Variants in MGST2 observed in about 807,000 individuals in gnomAD.
MGST2 encodes the protein microsomal glutathione S-transferase 2, also known as glutathione peroxidase MGST2.
A neutral mutation model predicts 16.6 loss-of-function variants in MGST2; 9 were observed. That is an observed-to-expected ratio of 0.54 (90% CI 0.33 to 0.95). MGST2 has a LOEUF of 0.95. Among genes scored for constraint, MGST2 ranks in the 40% least tolerant of loss-of-function variants. The probability of loss-of-function intolerance (pLI) is 0.03; values close to 1 mark genes in which losing one functional copy is unlikely to be tolerated. For missense variants in MGST2, 159 were observed against 175.1 expected (o/e 0.91, Z 0.52); for synonymous variants, 79 against 68.0 (o/e 1.16, Z -0.79).
intron 2 of MGST2, among the ~76,000 whole-genome samples, chr4:139,682,520 G>A (rs1731305085): frequency 6.6e-6 from 1 of 152,160 alleles, no homozygotes; most frequent in Admixed American, 6.5e-5. Context: ...ACTCAGAGAG[G>A]TCATAGACGG....
the MGST2 span, among the ~76,000 whole-genome samples, chr4:139,745,859 C>A: frequency 6.6e-6 from 1 of 152,190 alleles, no homozygotes; most frequent in African/African-American, 2.4e-5. Context: ...AACAATACAT[C>A]CTGGGGATGG....
chr4:139,751,685 G>T, the MGST2 span, among the ~76,000 whole-genome samples: 1 of 152,178 alleles, frequency 6.6e-6, no homozygotes, highest in African/African-American at 2.4e-5. Flanking sequence ...GTACACAGAT[G>T]GGTGGGTTTG....
At chr4:139,744,239 A>G (rs1729254446), downstream of MGST2, among the ~76,000 whole-genome samples, 1 of 152,240 alleles carries the variant, frequency 6.6e-6, no homozygotes, top group African/African-American at 2.4e-5. Flanking sequence ...GTTTGAGAAC[A>G]TGGAGCCTCA....
intron 2 of MGST2, among the ~76,000 whole-genome samples, chr4:139,690,905 C>T (rs2602243): frequency 0.31 from 47,720 of 152,022 alleles, 9,267 homozygotes; most frequent in African/African-American, 0.55. Context: ...CTCCATGGTA[C>T]TGGGATGAAC....
intron 3 of MGST2, among the ~76,000 whole-genome samples, chr4:139,702,165 A>G (rs1727285884): frequency 6.6e-6 from 1 of 152,236 alleles, no homozygotes; most frequent in South Asian, 2.1e-4. Context: ...ATGCGATGAT[A>G]GAACATCATC....
intron 5 of MGST2, chr4:139,717,374 T>C (rs1475611360): frequency 2.6e-5 from 4 of 152,594 alleles, no homozygotes; most frequent in African/African-American, 7.2e-5. Flanking sequence ...CTCATTTGTT[T>C]GTTTGCTTTT....
chr4:139,669,278 A>C (rs1157668316), intron 1 of MGST2, among the ~76,000 whole-genome samples: 1 of 152,098 alleles, frequency 6.6e-6, no homozygotes, highest in Non-Finnish European at 1.5e-5. Flanking sequence ...AGGGAGACAG[A>C]GAGAGGAAGA....
chr4:139,705,016 C>T (rs1727465234), downstream of MGST2, among the ~76,000 whole-genome samples: 2 of 152,140 alleles, frequency 1.3e-5, 1 homozygote, highest in South Asian at 4.2e-4. Flanking sequence ...TGCCTGATGC[C>T]CATACTGTAA....
At chr4:139,684,733 T>G (rs1287702675) in intron 2 of MGST2, among the ~76,000 whole-genome samples, 2 of 152,196 alleles carry the variant, frequency 1.3e-5, no homozygotes, top group African/African-American at 4.8e-5. Context: ...GCCTGACTTT[T>G]GAGAGTGCAG....
At chr4:139,714,423 C>T (rs566320812) in intron 5 of MGST2, among the ~76,000 whole-genome samples, 4 of 152,312 alleles carry the variant, frequency 2.6e-5, no homozygotes, top group African/African-American at 4.8e-5. Flanking sequence ...GCATGCTAAG[C>T]TTCTGGGTTC....
At chr4:139,666,102 G>C in intron 1 of MGST2, 25 bp downstream of exon 1, 3 of 1,532,638 alleles carry the variant, frequency 2.0e-6, no homozygotes, top group Non-Finnish European at 2.6e-6. Context: ...AAGTTCGTGT[G>C]TGTGCGCGTG....
At chr4:139,696,518 C>G (rs151282573) in intron 3 of MGST2, among the ~76,000 whole-genome samples, 1 of 152,306 alleles carries the variant, frequency 6.6e-6, no homozygotes, top group South Asian at 2.1e-4. Context: ...TCAGAGCACT[C>G]GTCTCTACCA....
chr4:139,670,071 T>C (rs1258240623), intron 1 of MGST2, among the ~76,000 whole-genome samples: 2 of 151,968 alleles, frequency 1.3e-5, no homozygotes, highest in Admixed American at 6.6e-5. Context: ...CAATTGTGTT[T>C]GTCTTAGGGG....
Position 139,666,117 on chromosome 4 carries a change from CGTGTGTGTGT to C in MGST2, c.58+48_58+57del. 17 of 1,025,420 alleles carry C rather than the reference CGTGTGTGTGT, an allele frequency of 1.7e-5. No individual in the cohort carries two copies. The South Asian group carries it at 3.4e-4, about 20-fold the overall frequency. The allele number at this position is 1,025,420 out of a possible 1,614,324, so 63.5% of individuals were successfully genotyped here. On this transcript the variant is annotated intron_variant, in intron 1 of 4. Coordinates refer to ENST00000265498, the MANE Select transcript of MGST2 (RefSeq NM_002413.5). ...AAGTTCGTGTGTGTGCGCGTGTGTG[CGTGTGTGTGT>C]GTGTGTGACAAGGCTTGCGGGAGAG... is the stretch of plus-strand genomic sequence containing the variant.
At chr4:139,729,309 G>A (rs2110984159) in intron 5 of MGST2, among the ~76,000 whole-genome samples, 2 of 152,224 alleles carry the variant, frequency 1.3e-5, no homozygotes, top group South Asian at 4.1e-4. Context: ...ATACACGGTG[G>A]TGGATGCTTA....
At chr4:139,708,933 A>C (rs1226342614), downstream of MGST2, among the ~76,000 whole-genome samples, 1 of 139,656 alleles carries the variant, frequency 7.2e-6, no homozygotes. Context: ...ACCCAGGAGG[A>C]GGTTGTGGTG....
At chr4:139,668,999 G>C (rs1730521156) in intron 1 of MGST2, among the ~76,000 whole-genome samples, 1 of 152,122 alleles carries the variant, frequency 6.6e-6, no homozygotes, top group South Asian at 2.1e-4. Flanking sequence ...CTTTGACAAA[G>C]GCCTGTGAAA....
At chr4:139,704,863 A>G (rs1260330621), downstream of MGST2, among the ~76,000 whole-genome samples, 1 of 152,196 alleles carries the variant, frequency 6.6e-6, no homozygotes, top group Non-Finnish European at 1.5e-5. Context: ...CGGAGCTTGC[A>G]GTGAGCCAAG....
intron 1 of MGST2, among the ~76,000 whole-genome samples, chr4:139,671,055 T>C (rs1730665880): frequency 6.6e-6 from 1 of 152,218 alleles, no homozygotes; most frequent in Admixed American, 6.5e-5. Flanking sequence ...TGTAAGGCCT[T>C]AGGTCTTGTC....
Sources: gnomAD v4.1 joint callset for allele counts (sites outside exome capture counted in the v4.1 genomes callset) on GRCh38, gnomAD v4.1.1 for gene constraint, MANE v1.5 for transcripts, NCBI Gene and HGNC (gene_info 2026-07-23, HGNC 2026-07-21) for gene names.